The following ACER2 variants were observed in gnomAD, a reference collection of about 807,000 sequenced individuals.
ACER2 encodes the protein alkaline ceramidase 2.
In ACER2, 26 loss-of-function variants were observed where a neutral mutation model predicts 34.7. The observed-to-expected ratio is 0.75, with a 90% CI of 0.55 to 1.04. The LOEUF is 1.04. Ranked by LOEUF, ACER2 falls within the 50% of genes least tolerant of loss-of-function variation. ACER2 has a pLI of 0.00. For synonymous variants in ACER2, 138 were observed against 132.1 expected, an observed-to-expected ratio of 1.04 and a Z score of -0.31; for missense variants, 352 against 340.8, an observed-to-expected ratio of 1.03 and a Z score of -0.26.
intron 5 of ACER2, among the ~76,000 whole-genome samples, chr9:19,449,715 C>A (rs533762471): frequency 1.3e-5 from 2 of 151,926 alleles, no homozygotes; most frequent in Non-Finnish European, 2.9e-5. Context: ...GAAACCCCCT[C>A]CCTCTCTACT....
At chr9:19,444,017 T>C (rs1831248396) in intron 4 of ACER2, among the ~76,000 whole-genome samples, 1 of 151,626 alleles carries the variant, frequency 6.6e-6, no homozygotes, top group African/African-American at 2.4e-5. Flanking sequence ...GTGATGAGAG[T>C]TATGAAGGAA....
In ACER2 at chr9:19,409,034, C is replaced by G; in HGVS notation, c.-51C>G. 3 of 1,485,588 alleles carry G rather than the reference C, an allele frequency of 2.0e-6. No individual in the cohort carries two copies. The highest frequency in any genetic ancestry group is 2.7e-6 in the Non-Finnish European group (3 of 1,106,658). 92.0% of individuals were successfully genotyped at this position (1,485,588 alleles called of 1,614,324 possible). A position where few individuals can be genotyped will look rare whatever the true frequency, so the allele number is the denominator to read the frequency against. ...GCCGCGTTTTGCCTCCGCAGCAGCT[C>G]TGGGCTCTTCTCAGCTGCGCGAGCA... On this transcript the variant is annotated 5_prime_UTR_variant, in exon 1 of 6. Transcript: ENST00000340967.
intron 3 of ACER2, among the ~76,000 whole-genome samples, chr9:19,426,230 A>T (rs201925548): frequency 0.048 from 4,588 of 94,810 alleles, 242 homozygotes; most frequent in African/African-American, 0.2. Context: ...TTTTTTTTTA[A>T]AAAAAAAAAA....
chr9:19,418,105 A>C (rs1249838041), intron 1 of ACER2, among the ~76,000 whole-genome samples: 1 of 152,268 alleles, frequency 6.6e-6, no homozygotes, highest in Non-Finnish European at 1.5e-5. Context: ...AAAGCTCATC[A>C]TCACTGGTCA....
At chr9:19,444,092 C>T (rs1470098916) in intron 4 of ACER2, among the ~76,000 whole-genome samples, 1 of 145,202 alleles carries the variant, frequency 6.9e-6, no homozygotes, top group African/African-American at 2.6e-5. Context: ...TTTCCCTGGG[C>T]CATATTGGAA....
At position 19,442,812 on chromosome 9, in the gene ACER2, C is replaced by G. The variant is rs1665473176; in HGVS notation, c.504-3469C>G. On this transcript the variant is annotated intron_variant, in intron 4 of 5. Coordinates refer to ENST00000340967, the MANE Select transcript of ACER2 (RefSeq NM_001010887.3). ...TTATTTTGTATTTTATAGTGCCTAG[C>G]ATGGAATTTGGTGCCCAATAAATAC... is the stretch of plus-strand genomic sequence containing the variant. Among the ~76,000 whole-genome samples the G allele has an allele frequency of 2.7e-5, 4 of 150,852 alleles. No homozygotes were observed. In the South Asian group the frequency reaches 8.3e-4, roughly 31 times the overall value.
chr9:19,436,165 C>A lies in ACER2; in HGVS notation c.503+1081C>A, dbSNP rs1008224871. 3.9e-5 allele frequency among the ~76,000 whole-genome samples: 6 copies of A among 151,916 alleles called. No individual in the cohort carries two copies. The South Asian group carries it at 6.2e-4, about 16-fold the overall frequency. On this transcript the variant is annotated intron_variant, in intron 4 of 5. Coordinates refer to ENST00000340967, the MANE Select transcript of ACER2 (RefSeq NM_001010887.3). ...CTCCTGGCCTCAAGCAGTCCTCTTGCCTCAGCGTCCCAAAGTATTGGGATT... is the reference window on the plus strand; with the variant it reads ...CTCCTGGCCTCAAGCAGTCCTCTTGACTCAGCGTCCCAAAGTATTGGGATT...
chr9:19,435,973 C>T (rs938289654), intron 4 of ACER2, among the ~76,000 whole-genome samples: 10 of 151,514 alleles, frequency 6.6e-5, no homozygotes, highest in Non-Finnish European at 1.0e-4. Context: ...GGTGTGAACC[C>T]GGGAGGCGGA....
chr9:19,449,911 A>AAT (rs1337770083), intron 5 of ACER2, among the ~76,000 whole-genome samples: 6 of 147,862 alleles, frequency 4.1e-5, no homozygotes, highest in African/African-American at 1.6e-4. Context: ...AAAAAAAAAA[A>AAT]GGATTACATG....
At chr9:19,433,751 C>T (rs1370706338) in intron 3 of ACER2, among the ~76,000 whole-genome samples, 6 of 151,972 alleles carry the variant, frequency 3.9e-5, no homozygotes, top group Non-Finnish European at 8.8e-5. Context: ...GCACCCCTCA[C>T]CTCCCGGATG....
intron 4 of ACER2, among the ~76,000 whole-genome samples, chr9:19,435,327 A>G (rs544692547): frequency 1.1e-4 from 17 of 152,364 alleles, no homozygotes; most frequent in African/African-American, 4.1e-4. Context: ...CTAGCTTACC[A>G]GGACCATCTC....
intron 2 of ACER2, chr9:19,424,240 AAGTC>A: frequency 3.8e-6 from 2 of 524,298 alleles, no homozygotes; most frequent in Non-Finnish European, 4.9e-6. Context: ...CGTCTGAAGA[AAGTC>A]AGGTGAAACA....
At chr9:19,437,013 A>T (rs1830998352) in intron 4 of ACER2, among the ~76,000 whole-genome samples, 1 of 151,666 alleles carries the variant, frequency 6.6e-6, no homozygotes, top group Non-Finnish European at 1.5e-5. Flanking sequence ...GACTGTTCCT[A>T]CTCTGCTCCT....
rs777715599 is a variant in ACER2, at chr9:19,424,841, G to A, written c.365G>A (p.Arg122Gln). Residue 122 changes from arginine to glutamine, a missense_variant and splice_region_variant, in exon 3 of 6, where the codon CGG (arginine) becomes CAG (glutamine). By Grantham distance (43) the Arg-to-Gln change is conservative (BLOSUM62 1). Transcript: ENST00000340967. ...CTACCAAAGATCTTTCGGAATGACCGGTAAGCTTGCACTAAACATTATTGC... is the reference window on the plus strand; with the variant it reads ...CTACCAAAGATCTTTCGGAATGACCAGTAAGCTTGCACTAAACATTATTGC... Reference protein sequence around the residue: ...RYLPKIFRNDRGRFKVVVSVL... With the variant: ...RYLPKIFRNDQGRFKVVVSVL... The A allele has an allele frequency of 9.3e-6, 15 of 1,613,914 alleles. No individual in the cohort carries two copies. The highest frequency in any genetic ancestry group is 2.2e-5 in the East Asian group (1 of 44,884).
At chr9:19,435,315 A>G (rs577523126) in intron 4 of ACER2, among the ~76,000 whole-genome samples, 3 of 152,344 alleles carry the variant, frequency 2.0e-5, no homozygotes, top group African/African-American at 7.2e-5. Context: ...ACTGATCACA[A>G]GCTAGCTTAC....
At chr9:19,448,003 A>ATTTTT (rs1831423148) in intron 5 of ACER2, among the ~76,000 whole-genome samples, 6 of 75,448 alleles carry the variant, frequency 8.0e-5, no homozygotes, top group Admixed American at 2.7e-4. Flanking sequence ...CACGATGCAA[A>ATTTTT]CTTTTTTTTT....
chr9:19,445,379 A>G (rs946817663), intron 4 of ACER2, among the ~76,000 whole-genome samples: 1 of 152,230 alleles, frequency 6.6e-6, no homozygotes, highest in Non-Finnish European at 1.5e-5. Flanking sequence ...AACAGATTCC[A>G]TGTCAGTGGA....
intron 1 of ACER2, among the ~76,000 whole-genome samples, chr9:19,418,142 A>G (rs1830290554): frequency 2.0e-5 from 3 of 152,238 alleles, no homozygotes; most frequent in Non-Finnish European, 4.4e-5. Context: ...CAAAACCACA[A>G]TGAGATACCA....
At chr9:19,424,119 AC>A in intron 2 of ACER2, 143 bp downstream of exon 2, 1 of 829,560 alleles carries the variant, frequency 1.2e-6, no homozygotes, top group Non-Finnish European at 1.9e-6. Flanking sequence ...TTTTTTTCCC[AC>A]TTGCTTGAAT....
Sources: gnomAD v4.1 joint callset for allele counts (sites outside exome capture counted in the v4.1 genomes callset) on GRCh38, gnomAD v4.1.1 for gene constraint, MANE v1.5 for transcripts, NCBI Gene and HGNC (gene_info 2026-07-23, HGNC 2026-07-21) for gene names.